Variants in TOX3 observed in about 807,000 individuals in gnomAD.
The protein encoded by TOX3 is CAG trinucleotide repeat-containing gene F9 protein.
TOX3 carries 22 observed loss-of-function variants against 64.3 expected under a neutral mutation model. The observed-to-expected ratio is 0.34, with a 90% confidence interval of 0.24 to 0.49. The LOEUF (loss-of-function observed/expected upper bound fraction) is 0.49. Ranked by LOEUF, TOX3 falls within the 20% of genes least tolerant of loss-of-function variation. TOX3 has a pLI of 0.99. For synonymous variants in TOX3, 291 were observed against 273.6 expected, an observed-to-expected ratio of 1.06 and a Z score of -0.63; for missense variants, 661 against 714.4, an observed-to-expected ratio of 0.93 and a Z score of 0.85.
At chr16:52,520,132 A>G (rs1962568637) in intron 1 of TOX3, among the ~76,000 whole-genome samples, 1 of 152,210 alleles carries the variant, frequency 6.6e-6, no homozygotes, top group Non-Finnish European at 1.5e-5. Flanking sequence ...ATAAAATCCA[A>G]ACATAAAAAT....
chr16:52,461,081 T>A (rs1960672950), intron 3 of TOX3, among the ~76,000 whole-genome samples: 1 of 152,128 alleles, frequency 6.6e-6, no homozygotes, highest in Admixed American at 6.6e-5. Flanking sequence ...GGGCAGATTA[T>A]AGAGAGGTGT....
intron 1 of TOX3, among the ~76,000 whole-genome samples, chr16:52,530,762 T>C (rs1426125462): frequency 6.6e-6 from 1 of 152,134 alleles, no homozygotes; most frequent in African/African-American, 2.4e-5. Flanking sequence ...ATCCATTGCA[T>C]TCTTCTTGGT....
intron 1 of TOX3, among the ~76,000 whole-genome samples, chr16:52,499,573 G>C (rs1961948654): frequency 6.6e-6 from 1 of 152,164 alleles, no homozygotes; most frequent in Non-Finnish European, 1.5e-5. Context: ...AAAATTGCCT[G>C]AGGTCAAAGG....
chr16:52,491,015 A>G lies in TOX3; in HGVS notation c.88-22441T>C, dbSNP rs138525222. Among the ~76,000 whole-genome samples, 463 of 152,264 alleles carry G rather than the reference A, an allele frequency of 3.0e-3. 2 individuals are homozygous for G. Among genetic ancestry groups the G allele is most frequent in the African/African-American group, 0.01 (436 of 41,550 alleles). ...TTTTCAATAGGGTTAGTCTTCCAAT[A>G]TGGAAGTCTGATCATACATGTCACT... On this transcript the variant is annotated intron_variant, in intron 1 of 6. Transcript: ENST00000219746.
intron 3 of TOX3, among the ~76,000 whole-genome samples, chr16:52,462,596 T>C (rs1276227005): frequency 3.3e-5 from 5 of 152,156 alleles, no homozygotes; most frequent in African/African-American, 1.2e-4. Flanking sequence ...TCTGAGCATC[T>C]ATGAATGATG....
intron 6 of TOX3, among the ~76,000 whole-genome samples, chr16:52,443,186 C>T (rs938492029): frequency 6.6e-6 from 1 of 152,234 alleles, no homozygotes; most frequent in Non-Finnish European, 1.5e-5. Context: ...TAATTCTTAA[C>T]ATCTGCAGCC....
rs1962494287 is a variant in TOX3, at chr16:52,517,680, A to G, written c.87+28957T>C. Among the ~76,000 whole-genome samples the G allele has an allele frequency of 2.6e-5, 4 of 152,208 alleles. No individual in the cohort carries two copies. The South Asian group carries it at 8.3e-4, about 32-fold the overall frequency. On this transcript the variant is annotated intron_variant, in intron 1 of 6. Transcript: ENST00000219746. ...TGCCCTCTGCAGTGATGCCCCACCC[A>G]GAAGACCAATCCATTGGAACTATTG...
intron 3 of TOX3, 121 bp from the exon 4 acceptor site, chr16:52,450,667 T>C (rs1960312440): frequency 2.5e-6 from 3 of 1,199,152 alleles, no homozygotes; most frequent in Non-Finnish European, 3.5e-6. Context: ...TCTGACCTAT[T>C]GCAGGATGAT....
At position 52,546,825 on chromosome 16, in the gene TOX3, T is replaced by A; in HGVS notation, c.-102A>T. Reference sequence around the variant, plus strand: ...ATCCACCGTCGAGGGCGCCCGGGGGTGGCGCGTGGGACTCGCGGCCGGAGG... The same window carrying A: ...ATCCACCGTCGAGGGCGCCCGGGGGAGGCGCGTGGGACTCGCGGCCGGAGG... On this transcript the variant is annotated 5_prime_UTR_variant, in exon 1 of 7. Transcript: ENST00000219746. 8.7e-6 allele frequency: 11 copies of A among 1,266,592 alleles called. No homozygotes were observed. The highest frequency in any genetic ancestry group is 5.1e-5 in the South Asian group (2 of 38,842). The allele number at this position is 1,266,592 out of a possible 1,614,324, so 78.5% of individuals were successfully genotyped here.
intron 1 of TOX3, among the ~76,000 whole-genome samples, chr16:52,504,108 T>C (rs1596835914): frequency 2.0e-5 from 3 of 152,188 alleles, no homozygotes; most frequent in African/African-American, 7.2e-5. Flanking sequence ...CAGCCGTTCC[T>C]AGTTGAGCAA....
intron 2 of TOX3, among the ~76,000 whole-genome samples, chr16:52,464,452 C>T (rs1378836750): frequency 6.6e-6 from 1 of 152,128 alleles, no homozygotes; most frequent in Non-Finnish European, 1.5e-5. Flanking sequence ...TAATTAGCAA[C>T]ATCTGTCTTT....
intron 3 of TOX3, among the ~76,000 whole-genome samples, chr16:52,461,376 A>G (rs1385483250): frequency 6.6e-6 from 1 of 152,154 alleles, no homozygotes; most frequent in Non-Finnish European, 1.5e-5. Context: ...CATTATTTGC[A>G]TATTTTGAAA....
chr16:52,487,284 C>T (rs1455233114), intron 1 of TOX3, among the ~76,000 whole-genome samples: 1 of 148,486 alleles, frequency 6.7e-6, no homozygotes, highest in East Asian at 2.0e-4. Flanking sequence ...ATAACAACCA[C>T]CAGAGCAGCT....
At chr16:52,472,504 A>G (rs1021631889) in intron 1 of TOX3, among the ~76,000 whole-genome samples, 1 of 152,194 alleles carries the variant, frequency 6.6e-6, no homozygotes, top group African/African-American at 2.4e-5. Flanking sequence ...ATATGAATCA[A>G]CTAAATAAGA....
At chr16:52,468,119 GAT>G (rs1960922776) in intron 2 of TOX3, among the ~76,000 whole-genome samples, 1 of 152,044 alleles carries the variant, frequency 6.6e-6, no homozygotes, top group African/African-American at 2.4e-5. Context: ...ATTATCCCTA[GAT>G]ATATGTGAAG....
chr16:52,488,050 T>G (rs1226581517), intron 1 of TOX3, among the ~76,000 whole-genome samples: 2 of 152,206 alleles, frequency 1.3e-5, no homozygotes, highest in Non-Finnish European at 2.9e-5. Flanking sequence ...GTGCCAAAAC[T>G]TGACAATGAG....
At chr16:52,513,616 G>T (rs142112066) in intron 1 of TOX3, among the ~76,000 whole-genome samples, 101 of 152,298 alleles carry the variant, frequency 6.6e-4, no homozygotes, top group African/African-American at 2.2e-3. Flanking sequence ...AAAGTGACCT[G>T]ATTTTTCTGT....
chr16:52,494,169 T>C (rs1961774879), intron 1 of TOX3, among the ~76,000 whole-genome samples: 1 of 152,186 alleles, frequency 6.6e-6, no homozygotes, highest in South Asian at 2.1e-4. Context: ...CCTCTTACCA[T>C]CATAAATCAT....
intron 1 of TOX3, among the ~76,000 whole-genome samples, chr16:52,471,975 A>T (rs1305561486): frequency 1.3e-5 from 2 of 152,202 alleles, no homozygotes; most frequent in East Asian, 3.9e-4. Context: ...CAAAAGCTTG[A>T]GTATTTCACT....
Sources: allele counts gnomAD v4.1 joint callset (sites outside exome capture counted in the v4.1 genomes callset), GRCh38; gene constraint gnomAD v4.1.1; transcripts MANE v1.5; gene names NCBI Gene and HGNC (gene_info 2026-07-23, HGNC 2026-07-21).